ANO3: variants seen among roughly 807,000 people sequenced by gnomAD.
ANO3 encodes the protein anoctamin-3.
Under a neutral mutation model 144.8 loss-of-function variants are expected in ANO3, and 99 were observed. That is an observed-to-expected ratio of 0.68 (90% CI 0.58 to 0.81). ANO3 has a LOEUF of 0.81. Among genes scored for constraint, ANO3 ranks in the 30% least tolerant of loss-of-function variants. The pLI, the probability that ANO3 is intolerant of heterozygous loss-of-function variation, is 0.00. For missense variants in ANO3, 905 were observed against 1,202.2 expected (o/e 0.75, Z 3.66); for synonymous variants, 414 against 392.6 (o/e 1.05, Z -0.64).
intron 1 of ANO3, among the ~76,000 whole-genome samples, chr11:26,403,725 A>G (rs983336791): frequency 1.3e-5 from 2 of 151,894 alleles, no homozygotes; most frequent in African/African-American, 2.4e-5. Flanking sequence ...AAGCTCCTAC[A>G]CTATGTAGCC....
chr11:26,618,951 A>C (rs1251551790), intron 17 of ANO3, among the ~76,000 whole-genome samples: 1 of 152,110 alleles, frequency 6.6e-6, no homozygotes, highest in Non-Finnish European at 1.5e-5. Flanking sequence ...TGGACATGTC[A>C]ATTATTCCTC....
At chr11:26,383,166 A>G (rs1028808309) in intron 1 of ANO3, among the ~76,000 whole-genome samples, 3 of 152,198 alleles carry the variant, frequency 2.0e-5, no homozygotes, top group African/African-American at 7.2e-5. Context: ...GAATTTTTAA[A>G]ATAATATTTG....
At chr11:26,231,230 T>C (rs1852392381) in intron 1 of ANO3, among the ~76,000 whole-genome samples, 1 of 152,184 alleles carries the variant, frequency 6.6e-6, no homozygotes, top group South Asian at 2.1e-4. Context: ...GACAGGACTA[T>C]CTGAGGTTAA....
intron 1 of ANO3, among the ~76,000 whole-genome samples, chr11:26,195,150 C>A (rs1396320519): frequency 6.6e-6 from 1 of 152,142 alleles, no homozygotes; most frequent in Non-Finnish European, 1.5e-5. Context: ...TGCACGAGGA[C>A]CTTGGTTTCT....
intron 10 of ANO3, among the ~76,000 whole-genome samples, chr11:26,540,151 A>T (rs1849608205): frequency 6.6e-6 from 1 of 152,118 alleles, no homozygotes; most frequent in Non-Finnish European, 1.5e-5. Flanking sequence ...TTGAAAGAGG[A>T]TATACAGAAT....
chr11:26,344,112 T>G (rs1855436259), intron 1 of ANO3, among the ~76,000 whole-genome samples: 1 of 152,296 alleles, frequency 6.6e-6, no homozygotes, highest in Admixed American at 6.5e-5. Context: ...TATATAGCAG[T>G]AGTAATTTCT....
intron 12 of ANO3, among the ~76,000 whole-genome samples, chr11:26,552,599 A>G (rs1428412280): frequency 6.6e-6 from 1 of 152,100 alleles, no homozygotes; most frequent in African/African-American, 2.4e-5. Flanking sequence ...GTCATCTAAA[A>G]TGTATGCTGA....
At chr11:26,425,094 G>C (rs972105091) in intron 1 of ANO3, among the ~76,000 whole-genome samples, 2 of 144,070 alleles carry the variant, frequency 1.4e-5, no homozygotes, top group South Asian at 2.4e-4. Context: ...AAGTGTTCTT[G>C]CTTGTCATAA....
intron 1 of ANO3, among the ~76,000 whole-genome samples, chr11:26,320,659 GATGTT>G (rs1854736476): frequency 6.6e-6 from 1 of 151,966 alleles, no homozygotes; most frequent in Admixed American, 6.6e-5. Flanking sequence ...TAAAATATAT[GATGTT>G]ATATCTTATT....
intron 1 of ANO3, among the ~76,000 whole-genome samples, chr11:26,368,051 A>G (rs186017490): frequency 3.9e-5 from 6 of 152,348 alleles, no homozygotes; most frequent in Non-Finnish European, 7.3e-5. Flanking sequence ...ATGAGGACAA[A>G]CATTCAAACT....
At chr11:26,318,576 G>A (rs568270572) in intron 1 of ANO3, among the ~76,000 whole-genome samples, 2 of 152,270 alleles carry the variant, frequency 1.3e-5, no homozygotes, top group South Asian at 4.1e-4. Flanking sequence ...AACAATTCGT[G>A]GTTCTATATA....
chr11:26,344,380 T>TG (rs1301898509), intron 1 of ANO3, among the ~76,000 whole-genome samples: 3 of 151,130 alleles, frequency 2.0e-5, no homozygotes, highest in African/African-American at 7.3e-5. Context: ...TTTTTTTTTT[T>TG]TTTGAGATGG....
intron 1 of ANO3, among the ~76,000 whole-genome samples, chr11:26,358,406 G>A (rs1161265907): frequency 6.6e-6 from 1 of 152,036 alleles, no homozygotes; most frequent in Non-Finnish European, 1.5e-5. Flanking sequence ...TCTTGACCTC[G>A]TGATCCACCT....
At chr11:26,580,850 T>C (rs907297729) in intron 14 of ANO3, among the ~76,000 whole-genome samples, 2 of 152,152 alleles carry the variant, frequency 1.3e-5, no homozygotes, top group South Asian at 2.1e-4. Context: ...AAAAAAATGG[T>C]TAGTAAATAT....
intron 14 of ANO3, among the ~76,000 whole-genome samples, chr11:26,584,148 TTTGTTTG>T (rs758880392): frequency 5.6e-5 from 4 of 71,696 alleles, no homozygotes; most frequent in African/African-American, 1.3e-4. Flanking sequence ...GTCTTGTTTT[TTTGTTTG>T]TTTGTTTGTT....
chr11:26,617,496 C>T (rs1852294185), intron 17 of ANO3, among the ~76,000 whole-genome samples: 1 of 152,186 alleles, frequency 6.6e-6, no homozygotes, highest in Non-Finnish European at 1.5e-5. Flanking sequence ...AGCATCCCAC[C>T]AGCTCCACTT....
upstream of ANO3, among the ~76,000 whole-genome samples, chr11:26,308,267 T>C (rs1854429048): frequency 6.6e-6 from 1 of 152,190 alleles, no homozygotes; most frequent in Non-Finnish European, 1.5e-5. Context: ...ATAATTCCCT[T>C]ACACATACTG....
chr11:26,262,739 C>CAG lies in ANO3; in HGVS notation c.155-46886_155-46885dup, dbSNP rs926800288. The stretch of plus-strand genomic sequence containing the variant: ...TAGTAAACACACACACACACACACA[C>CAG]AGAGAGAGAGAGAGAGAGAGATTCT... On this transcript the variant is annotated intron_variant, in intron 1 of 27. Transcript: ENST00000672621. 5.2e-4 allele frequency among the ~76,000 whole-genome samples: 78 copies of CAG among 148,766 alleles called. 1 individual carries two copies. The highest frequency in any genetic ancestry group is 1.6e-3 in the East Asian group (8 of 5,064).
intron 1 of ANO3, among the ~76,000 whole-genome samples, chr11:26,191,037 C>T (rs1024333480): frequency 7.9e-5 from 12 of 152,144 alleles, no homozygotes; most frequent in African/African-American, 2.9e-4. Flanking sequence ...TAGGATGTCT[C>T]ACAATAAAAC....
Sources: gnomAD v4.1 joint callset for allele counts (sites outside exome capture counted in the v4.1 genomes callset) on GRCh38, gnomAD v4.1.1 for gene constraint, MANE v1.5 for transcripts, NCBI Gene and HGNC (gene_info 2026-07-23, HGNC 2026-07-21) for gene names.